The following ELMO2 variants were observed in gnomAD, a reference collection of about 807,000 sequenced individuals.
ELMO2 encodes the protein engulfment and cell motility protein 2.
Under a neutral mutation model 96.2 loss-of-function variants are expected in ELMO2, and 37 were observed. The observed-to-expected ratio is 0.38, with a 90% CI of 0.30 to 0.51. The LOEUF is 0.51. Among genes scored for constraint, ELMO2 ranks in the 20% least tolerant of loss-of-function variants. The pLI, the probability that ELMO2 is intolerant of heterozygous loss-of-function variation, is 0.88. For synonymous variants in ELMO2, 315 were observed against 329.4 expected (o/e 0.96, Z 0.47); for missense variants, 561 against 912.6 (o/e 0.61, Z 4.96).
Position 46,393,474 on chromosome 20 carries a change from G to A in ELMO2, c.192+55C>T, listed in dbSNP as rs899315267. On this transcript the variant is annotated intron_variant, in intron 5 of 21. Transcript: ENST00000290246. ...TGAAGATAAATAGTGCCGTCTCCTTGGGTCGTTTAATTCCAAGCAAGGCCC... is the reference window on the plus strand; with the variant it reads ...TGAAGATAAATAGTGCCGTCTCCTTAGGTCGTTTAATTCCAAGCAAGGCCC... 1.8e-5 allele frequency: 28 copies of A among 1,575,434 alleles called. No individual in the cohort carries two copies. In the Admixed American group the frequency reaches 4.8e-4, roughly 27 times the overall value.
chr20:46,388,528 G>A (rs2060089638), intron 7 of ELMO2, among the ~76,000 whole-genome samples: 1 of 152,130 alleles, frequency 6.6e-6, no homozygotes, highest in Non-Finnish European at 1.5e-5. Context: ...TCCTCCCTGT[G>A]CAAAAGTGTG....
chr20:46,400,902 G>C (rs1436737061), intron 1 of ELMO2, among the ~76,000 whole-genome samples: 1 of 152,210 alleles, frequency 6.6e-6, no homozygotes, highest in East Asian at 1.9e-4. Flanking sequence ...TGGATTCTGA[G>C]AGCAGGATTG....
intron 1 of ELMO2, among the ~76,000 whole-genome samples, chr20:46,403,941 G>A (rs923558520): frequency 7.2e-5 from 11 of 152,126 alleles, no homozygotes; most frequent in African/African-American, 1.7e-4. Flanking sequence ...AAAATCAGCC[G>A]GGCACGGTGG....
intron 4 of ELMO2, 199 bp downstream of exon 4, chr20:46,393,850 T>C: frequency 1.2e-6 from 1 of 803,096 alleles, no homozygotes; most frequent in Non-Finnish European, 1.9e-6. Flanking sequence ...ATGCTAGACT[T>C]TAAGGAAAAA....
chr20:46,369,489 A>G (rs1198260191), intron 20 of ELMO2: 1 of 153,432 alleles, frequency 6.5e-6, no homozygotes, highest in East Asian at 1.9e-4. Context: ...CCACTGGGAA[A>G]CCAATAGTAG....
chr20:46,371,638 C>T lies in ELMO2; in HGVS notation c.1634G>A (p.Arg545His). The change falls in exon 18 of 22, where the codon CGC becomes CAC. Residue 545 changes from arginine to histidine, a missense_variant. Coordinates refer to ENST00000290246, the MANE Select transcript of ELMO2 (RefSeq NM_133171.5). The surrounding 1 kb of genome is among the most constrained non-coding windows in gnomAD (Gnocchi z 5.9). Reference sequence around the variant, plus strand: ...GCTGCCCTCACAGAGCCGGTTCAGGCGCTGCTGCTTGATCAGCTCAAGGAT... The same window carrying T: ...GCTGCCCTCACAGAGCCGGTTCAGGTGCTGCTGCTTGATCAGCTCAAGGAT... The part of the protein sequence containing the change: ...PEILELIKQQ[R>H]LNRLCEGSSF... The T allele has an allele frequency of 6.2e-7, 1 of 1,612,130 alleles. No homozygotes were observed. The highest frequency in any genetic ancestry group is 8.5e-7 in the Non-Finnish European group (1 of 1,179,504).
chr20:46,376,508 C>T (rs1460040950), intron 11 of ELMO2, among the ~76,000 whole-genome samples: 4 of 152,146 alleles, frequency 2.6e-5, no homozygotes, highest in South Asian at 4.1e-4. Context: ...CTGATGCCCA[C>T]ACCCCACTTT....
chr20:46,401,393 C>T (rs754438782), intron 1 of ELMO2, among the ~76,000 whole-genome samples: 10 of 152,190 alleles, frequency 6.6e-5, no homozygotes, highest in Non-Finnish European at 1.2e-4. Flanking sequence ...GTATGTTAGA[C>T]ACAGGACTCA....
At position 46,379,150 on chromosome 20, in the gene ELMO2, C is replaced by T. The variant is rs151050468; in HGVS notation, c.807+1103G>A. On this transcript the variant is annotated intron_variant, in intron 11 of 21. Coordinates refer to ENST00000290246, the MANE Select transcript of ELMO2 (RefSeq NM_133171.5). Reference sequence around the variant, plus strand: ...CTGGGATTACAGGCGCCTATCACCACGCCCGGCTAATTTTTGTATTTTTAG... The same window carrying T: ...CTGGGATTACAGGCGCCTATCACCATGCCCGGCTAATTTTTGTATTTTTAG... Among the ~76,000 whole-genome samples, 549 of 152,186 alleles carry T rather than the reference C, an allele frequency of 3.6e-3. 3 individuals carry two copies. Among genetic ancestry groups the T allele is most frequent in the African/African-American group, 0.013 (528 of 41,516 alleles).
chr20:46,375,368 A>G lies in ELMO2; in HGVS notation c.933T>C (p.Ala311=). The G allele has an allele frequency of 6.2e-7, 1 of 1,613,812 alleles. No individual in the cohort carries two copies. The highest frequency in any genetic ancestry group is 8.5e-7 in the Non-Finnish European group (1 of 1,179,732). Reference sequence around the variant, plus strand: ...TCAGTTCAAATATGATGTCCCTTTGAGCCTGCGAGGTGAAACAGACAGTCA... The same window carrying G: ...TCAGTTCAAATATGATGTCCCTTTGGGCCTGCGAGGTGAAACAGACAGTCA... The part of the protein sequence containing the change: ...MMTKMDPNDQ[A]QRDIIFELRR... Residue 311 remains alanine (A), a splice_region_variant and synonymous_variant, in exon 13 of 22, where the codon GCT becomes GCC. Transcript: ENST00000290246. The surrounding 1 kb of genome is among the most constrained non-coding windows in gnomAD (Gnocchi z 4.6).
At chr20:46,381,479 T>C (rs1346658006) in intron 10 of ELMO2, among the ~76,000 whole-genome samples, 1 of 152,204 alleles carries the variant, frequency 6.6e-6, no homozygotes, top group South Asian at 2.1e-4. Flanking sequence ...ATATTCCAAA[T>C]GGCTAATGCT....
At chr20:46,393,754 T>C (rs1468107829) in intron 4 of ELMO2, among the ~76,000 whole-genome samples, 153 bp from the exon 5 acceptor site, 4 of 152,232 alleles carry the variant, frequency 2.6e-5, no homozygotes, top group Admixed American at 2.6e-4. Flanking sequence ...GAAAAAATCA[T>C]GGCCTCAGCC....
At chr20:46,379,213 C>T (rs1600842280) in intron 11 of ELMO2, among the ~76,000 whole-genome samples, 1 of 152,046 alleles carries the variant, frequency 6.6e-6, no homozygotes. Context: ...AGGCTGGTCT[C>T]GAACTCCTGA....
chr20:46,384,405 C>G (rs1016794937), intron 9 of ELMO2, among the ~76,000 whole-genome samples: 1 of 152,124 alleles, frequency 6.6e-6, no homozygotes, highest in Non-Finnish European at 1.5e-5. Context: ...GGGAGTCTAA[C>G]AGAGGGCACT....
chr20:46,386,358 G>A, intron 8 of ELMO2, 83 bp from the exon 9 acceptor site: 1 of 1,545,778 alleles, frequency 6.5e-7, no homozygotes, highest in Non-Finnish European at 8.7e-7. Context: ...AGCCCTTGAA[G>A]CTCTCTCTGC....
At position 46,377,209 on chromosome 20, in the gene ELMO2, G is replaced by A. The variant is rs1293796926; in HGVS notation, c.808-1419C>T. 2.0e-5 allele frequency among the ~76,000 whole-genome samples: 3 copies of A among 152,166 alleles called. No individual in the cohort carries two copies. In the East Asian group the frequency reaches 5.8e-4, roughly 29 times the overall value. ...ACTGAGAGGTGCTGTGAGTGTAAAT[G>A]CATACCGGATCTTGAAGCCTTAGTA... On this transcript the variant is annotated intron_variant, in intron 11 of 21. Coordinates refer to ENST00000290246, the MANE Select transcript of ELMO2 (RefSeq NM_133171.5).
At position 46,371,164 on chromosome 20, in the gene ELMO2, GA is replaced by G. The variant is rs1323919915; in HGVS notation, c.1801+187del. Among the ~76,000 whole-genome samples the G allele has an allele frequency of 6.6e-6, 1 of 152,160 alleles. No individual in the cohort carries two copies. Among genetic ancestry groups the G allele is most frequent in the Non-Finnish European group, 1.5e-5 (1 of 68,044 alleles). On this transcript the variant is annotated intron_variant, in intron 19 of 21. Transcript: ENST00000290246. The surrounding 1 kb of genome is among the most constrained non-coding windows in gnomAD (Gnocchi z 5.9). The stretch of plus-strand genomic sequence containing the variant: ...GTCTACACAATACATTCACACCTGT[GA>G]ACTCATTGTTTCTCCAAACCACCCC...
At chr20:46,367,739 G>A (rs1441473616) in intron 21 of ELMO2, among the ~76,000 whole-genome samples, 179 bp from the exon 22 acceptor site, 1 of 152,188 alleles carries the variant, frequency 6.6e-6, no homozygotes, top group Admixed American at 6.5e-5. Flanking sequence ...TTTCTCAAGA[G>A]ATCTGGTTTT....
At chr20:46,406,317 T>C (rs550566857) in intron 1 of ELMO2, among the ~76,000 whole-genome samples, 1 of 152,044 alleles carries the variant, frequency 6.6e-6, no homozygotes, top group South Asian at 2.1e-4. Flanking sequence ...ACGCCCCTTC[T>C]GGGTCCAGGA....
Sources: gnomAD v4.1 joint callset for allele counts (sites outside exome capture counted in the v4.1 genomes callset) on GRCh38, gnomAD v4.1.1 for gene constraint, Gnocchi (gnomAD v3.1) non-coding constraint, MANE v1.5 for transcripts, NCBI Gene and HGNC (gene_info 2026-07-23, HGNC 2026-07-21) for gene names.